TMEM132C: variants seen among roughly 807,000 people sequenced by gnomAD.
The protein encoded by TMEM132C is transmembrane protein 132C, also known as protein phosphatase 1, regulatory subunit 152.
In TMEM132C, 29 loss-of-function variants were observed where a neutral mutation model predicts 61.4. The observed-to-expected ratio is 0.47, with a 90% CI of 0.35 to 0.64. The LOEUF is 0.64. Ranked by LOEUF, TMEM132C falls within the 30% of genes least tolerant of loss-of-function variation. The probability of loss-of-function intolerance (pLI) is 0.00; values close to 1 mark genes in which losing one functional copy is unlikely to be tolerated. For missense variants in TMEM132C, 1,408 were observed against 1,476.9 expected, an observed-to-expected ratio of 0.95 and a Z score of 0.76; for synonymous variants, 656 against 633.1, an observed-to-expected ratio of 1.04 and a Z score of -0.54.
At chr12:128,335,305 C>T (rs1290565829) in intron 1 of TMEM132C, among the ~76,000 whole-genome samples, 1 of 152,050 alleles carries the variant, frequency 6.6e-6, no homozygotes, top group Non-Finnish European at 1.5e-5. Context: ...TTCACGAAAG[C>T]ATCCTCATCT....
chr12:128,343,151 T>C (rs2135955980), intron 1 of TMEM132C, among the ~76,000 whole-genome samples: 1 of 152,044 alleles, frequency 6.6e-6, no homozygotes, highest in East Asian at 1.9e-4. Context: ...TGTGGCCAGG[T>C]GCGATGGCTC....
intron 2 of TMEM132C, among the ~76,000 whole-genome samples, chr12:128,504,274 C>T (rs1872278260): frequency 6.6e-6 from 1 of 152,150 alleles, no homozygotes; most frequent in African/African-American, 2.4e-5. Flanking sequence ...TGAAGTTGTG[C>T]CAATATGCTC....
At chr12:128,688,853 G>A (rs1321760673) in intron 5 of TMEM132C, among the ~76,000 whole-genome samples, 1 of 152,170 alleles carries the variant, frequency 6.6e-6, no homozygotes, top group East Asian at 1.9e-4. Flanking sequence ...GAGTTCAGTG[G>A]TGCGATCTCA....
At chr12:128,409,364 C>G (rs1868443359) in intron 1 of TMEM132C, among the ~76,000 whole-genome samples, 1 of 152,112 alleles carries the variant, frequency 6.6e-6, no homozygotes, top group Admixed American at 6.5e-5. Flanking sequence ...CCAGCTGAAT[C>G]TTGTAAATCA....
chr12:128,337,012 T>G (rs1872807382), intron 1 of TMEM132C, among the ~76,000 whole-genome samples: 1 of 152,182 alleles, frequency 6.6e-6, no homozygotes, highest in Admixed American at 6.5e-5. Flanking sequence ...CATGACAAAC[T>G]TAAGTCTAAT....
At chr12:128,655,663 G>A (rs748228517) in intron 4 of TMEM132C, among the ~76,000 whole-genome samples, 1 of 151,966 alleles carries the variant, frequency 6.6e-6, no homozygotes, top group Non-Finnish European at 1.5e-5. Flanking sequence ...CAGCCTTGCT[G>A]TCAGCCTGGC....
chr12:128,532,420 C>G (rs1471251582), intron 2 of TMEM132C, among the ~76,000 whole-genome samples: 2 of 151,690 alleles, frequency 1.3e-5, no homozygotes, highest in Admixed American at 6.6e-5. Context: ...GGGTGGATCA[C>G]CTGAGGTCAG....
chr12:128,613,158 A>G (rs900876382), intron 3 of TMEM132C, among the ~76,000 whole-genome samples: 7 of 152,182 alleles, frequency 4.6e-5, no homozygotes, highest in African/African-American at 1.7e-4. Flanking sequence ...GCCACATCCA[A>G]TACTAAGGGA....
At chr12:128,343,460 T>C (rs1873045287) in intron 1 of TMEM132C, among the ~76,000 whole-genome samples, 1 of 151,750 alleles carries the variant, frequency 6.6e-6, no homozygotes, top group African/African-American at 2.4e-5. Context: ...CTTCCTTATT[T>C]AGATATCCCT....
At chr12:128,313,201 A>T (rs872083) in intron 1 of TMEM132C, among the ~76,000 whole-genome samples, 50,733 of 152,194 alleles carry the variant, frequency 0.33, 8,851 homozygotes, top group East Asian at 0.47. Flanking sequence ...ATCTCCAGGG[A>T]TCCACTTTGT....
intron 1 of TMEM132C, among the ~76,000 whole-genome samples, chr12:128,372,664 T>A (rs2135982648): frequency 6.6e-6 from 1 of 152,098 alleles, no homozygotes; most frequent in Admixed American, 6.5e-5. Flanking sequence ...ATTAAGTAAG[T>A]TAACACAAGA....
chr12:128,352,659 C>A (rs902746858), intron 1 of TMEM132C, among the ~76,000 whole-genome samples: 7 of 152,212 alleles, frequency 4.6e-5, no homozygotes, highest in Non-Finnish European at 1.0e-4. Flanking sequence ...ATGATGGACG[C>A]AATCACCTTT....
At chr12:128,424,068 A>AC (rs1489850522) in intron 2 of TMEM132C, among the ~76,000 whole-genome samples, 2 of 150,794 alleles carry the variant, frequency 1.3e-5, no homozygotes, top group Admixed American at 6.6e-5. Flanking sequence ...AAAAAAAAAA[A>AC]AACTTTGGGA....
chr12:128,441,437 A>G (rs931425676), intron 2 of TMEM132C, among the ~76,000 whole-genome samples: 1 of 152,214 alleles, frequency 6.6e-6, no homozygotes, highest in African/African-American at 2.4e-5. Flanking sequence ...AGTTGGTTCC[A>G]CTGCTAAAAG....
intron 1 of TMEM132C, among the ~76,000 whole-genome samples, chr12:128,377,075 G>A (rs997514559): frequency 1.3e-5 from 2 of 148,764 alleles, no homozygotes; most frequent in African/African-American, 5.0e-5. Flanking sequence ...TTTTTTTTGA[G>A]ATGGAGTCTT....
chr12:128,533,430 A>G (rs1413641953), intron 2 of TMEM132C, among the ~76,000 whole-genome samples: 1 of 152,138 alleles, frequency 6.6e-6, no homozygotes. Context: ...AGTACCACAG[A>G]CTGAGGGGCT....
At chr12:128,549,780 A>G (rs978932634) in intron 3 of TMEM132C, among the ~76,000 whole-genome samples, 2 of 152,170 alleles carry the variant, frequency 1.3e-5, no homozygotes, top group East Asian at 3.9e-4. Flanking sequence ...AATGCTTTGC[A>G]TATAATCCTC....
At chr12:128,569,111 G>A (rs1874792039) in intron 3 of TMEM132C, among the ~76,000 whole-genome samples, 1 of 152,254 alleles carries the variant, frequency 6.6e-6, no homozygotes, top group Admixed American at 6.5e-5. Flanking sequence ...TGCTGAGTTG[G>A]AGCGGTCAAC....
intron 4 of TMEM132C, among the ~76,000 whole-genome samples, chr12:128,649,727 T>A (rs1047399041): frequency 6.6e-6 from 1 of 152,244 alleles, no homozygotes; most frequent in Non-Finnish European, 1.5e-5. Context: ...CTCAGGCAAG[T>A]TGGTGCCACT....
Sources: gnomAD v4.1 joint callset for allele counts (sites outside exome capture counted in the v4.1 genomes callset) on GRCh38, gnomAD v4.1.1 for gene constraint, MANE v1.5 for transcripts, NCBI Gene and HGNC (gene_info 2026-07-23, HGNC 2026-07-21) for gene names.